The following KCNQ5 variants were observed in gnomAD, a reference collection of about 807,000 sequenced individuals.
The protein encoded by KCNQ5 is potassium voltage-gated channel subfamily Q member 5.
Under a neutral mutation model 98.2 loss-of-function variants are expected in KCNQ5, and 30 were observed. The ratio of observed to expected loss-of-function variants is 0.31; its 90% CI spans 0.23 to 0.41. The LOEUF (loss-of-function observed/expected upper bound fraction) is 0.41. Ranked by LOEUF, KCNQ5 falls within the 10% of genes least tolerant of loss-of-function variation. The pLI is 1.00. For missense variants in KCNQ5, 835 were observed against 1,182.5 expected, an observed-to-expected ratio of 0.71 and a Z score of 4.31; for synonymous variants, 458 against 449.4, an observed-to-expected ratio of 1.02 and a Z score of -0.24.
At chr6:72,727,445 T>G (rs966020036) in intron 1 of KCNQ5, among the ~76,000 whole-genome samples, 2 of 152,248 alleles carry the variant, frequency 1.3e-5, no homozygotes, top group Non-Finnish European at 2.9e-5. Flanking sequence ...GGCATTTATG[T>G]ACTCAGTGCC....
rs1768732065 is a variant in KCNQ5 at position 72,985,630 on chromosome 6, A to G, written c.399-18278A>G. On this transcript the variant is annotated intron_variant, in intron 1 of 13. Coordinates refer to ENST00000370398, the MANE Select transcript of KCNQ5 (RefSeq NM_019842.4). ...GATATTTCATCTCACACTAGTCAGA[A>G]TGGCTAGTATTGAAAAGTCAAAAAC... Among the ~76,000 whole-genome samples the G allele has an allele frequency of 1.3e-5, 2 of 152,214 alleles. 1 individual carries two copies. The highest frequency in any genetic ancestry group is 4.1e-4 in the South Asian group (2 of 4,828).
rs1199516274 is a variant in KCNQ5 at position 73,195,144 on chromosome 6, T to A, written c.2529T>A (p.Asn843Lys). Reference sequence around the variant, plus strand: ...TGATCAGGTCGACCGAGGAACTGAATATACAACTTTCAGGGAGTGAGTCAA... The same window carrying A: ...TGATCAGGTCGACCGAGGAACTGAAAATACAACTTTCAGGGAGTGAGTCAA... ...QNLIRSTEELNIQLSGSESSG... is the reference protein window; with the variant it reads ...QNLIRSTEELKIQLSGSESSG... The change falls in exon 14 of 14, where the codon AAT becomes AAA. Residue 843 changes from asparagine (N) to lysine (K), a missense_variant. Asn to Lys is a moderately conservative substitution (Grantham distance 94). Transcript: ENST00000370398. The A allele has an allele frequency of 1.9e-6, 3 of 1,614,108 alleles. No individual in the cohort carries two copies.
intron 11 of KCNQ5, among the ~76,000 whole-genome samples, chr6:73,179,823 A>G (rs2150513201): frequency 6.6e-6 from 1 of 152,260 alleles, no homozygotes; most frequent in Middle Eastern, 3.4e-3. Flanking sequence ...TCCCATATCA[A>G]CCTGGGCTTC....
At chr6:72,854,644 T>G (rs1209381921) in intron 1 of KCNQ5, among the ~76,000 whole-genome samples, 3 of 151,212 alleles carry the variant, frequency 2.0e-5, no homozygotes, top group Non-Finnish European at 4.4e-5. Flanking sequence ...ATTCATCTTT[T>G]TTATAATGTC....
intron 1 of KCNQ5, among the ~76,000 whole-genome samples, chr6:72,805,471 A>T (rs1774908606): frequency 6.6e-6 from 1 of 152,028 alleles, no homozygotes; most frequent in Middle Eastern, 3.2e-3. Flanking sequence ...AGTTCACTGT[A>T]GATATATAGA....
At chr6:72,888,566 A>C (rs1778936527) in intron 1 of KCNQ5, among the ~76,000 whole-genome samples, 1 of 152,160 alleles carries the variant, frequency 6.6e-6, no homozygotes, top group African/African-American at 2.4e-5. Context: ...CTTAGAAGGG[A>C]TCCAGACTGC....
intron 10 of KCNQ5, among the ~76,000 whole-genome samples, chr6:73,160,648 C>T (rs1777583086): frequency 6.6e-6 from 1 of 152,172 alleles, no homozygotes; most frequent in African/African-American, 2.4e-5. Flanking sequence ...TCAAATTGCT[C>T]CTCTGCAAAA....
chr6:72,790,745 G>C (rs1361354304), intron 1 of KCNQ5, among the ~76,000 whole-genome samples: 3 of 152,012 alleles, frequency 2.0e-5, no homozygotes, highest in African/African-American at 4.8e-5. Flanking sequence ...GGAAAAACTT[G>C]GATAAATGTT....
intron 11 of KCNQ5, among the ~76,000 whole-genome samples, chr6:73,182,807 T>C (rs550250709): frequency 1.1e-4 from 17 of 152,326 alleles, no homozygotes; most frequent in South Asian, 2.1e-4. Flanking sequence ...ATATTACATA[T>C]ATTTGCTGGA....
At chr6:73,146,393 G>A (rs181672434) in intron 10 of KCNQ5, among the ~76,000 whole-genome samples, 3 of 152,232 alleles carry the variant, frequency 2.0e-5, no homozygotes, top group South Asian at 4.1e-4. Context: ...GGGAGGCCCA[G>A]GCCTGTGGAT....
At chr6:72,928,006 C>A (rs1303364895) in intron 1 of KCNQ5, among the ~76,000 whole-genome samples, 3 of 151,918 alleles carry the variant, frequency 2.0e-5, no homozygotes, top group Non-Finnish European at 4.4e-5. Context: ...AGAATAAATA[C>A]ATGAAAAGGA....
intron 1 of KCNQ5, among the ~76,000 whole-genome samples, chr6:72,773,067 A>G (rs2154477529): frequency 6.6e-6 from 1 of 152,138 alleles, no homozygotes; most frequent in East Asian, 1.9e-4. Flanking sequence ...ATCAATAAAC[A>G]AAAGGATCTA....
At chr6:72,688,807 A>G (rs1262113936) in intron 1 of KCNQ5, among the ~76,000 whole-genome samples, 2 of 152,230 alleles carry the variant, frequency 1.3e-5, no homozygotes, top group African/African-American at 2.4e-5. Context: ...CAAAATGTCT[A>G]TGATTGCAAG....
intron 1 of KCNQ5, among the ~76,000 whole-genome samples, chr6:72,646,335 T>TA (rs1279363145): frequency 1.3e-5 from 2 of 152,124 alleles, no homozygotes. Context: ...AAGAATAACT[T>TA]TAGCAGCAAA....
chr6:72,796,581 A>G (rs117984478), intron 1 of KCNQ5, among the ~76,000 whole-genome samples: 2,804 of 152,344 alleles, frequency 0.018, 47 homozygotes, highest in Middle Eastern at 0.071. Context: ...TAAGATTCGA[A>G]GGATATGGAC....
chr6:73,166,512 TA>T (rs5877357), intron 10 of KCNQ5, among the ~76,000 whole-genome samples: 19 of 143,600 alleles, frequency 1.3e-4, no homozygotes, highest in Non-Finnish European at 1.5e-4. Context: ...TAGATTTCTC[TA>T]AAAAAAAAAA....
chr6:73,055,146 A>T (rs553080649), intron 3 of KCNQ5: 8 of 780,490 alleles, frequency 1.0e-5, no homozygotes, highest in Admixed American at 8.6e-5. Context: ...AGTGAGTGGA[A>T]CCTGGAGAAC....
At chr6:72,787,648 T>A (rs929001785) in intron 1 of KCNQ5, among the ~76,000 whole-genome samples, 1 of 152,192 alleles carries the variant, frequency 6.6e-6, no homozygotes, top group African/African-American at 2.4e-5. Flanking sequence ...AGAAAGTAAC[T>A]TGAGTACCCG....
intron 1 of KCNQ5, among the ~76,000 whole-genome samples, chr6:72,639,343 C>T (rs1031562702): frequency 1.3e-5 from 2 of 152,032 alleles, no homozygotes; most frequent in African/African-American, 2.4e-5. Context: ...GGATAGAAGG[C>T]GAGGGGCCAG....
Sources: allele counts gnomAD v4.1 joint callset (sites outside exome capture counted in the v4.1 genomes callset), GRCh38; gene constraint gnomAD v4.1.1; transcripts MANE v1.5; gene names NCBI Gene and HGNC (gene_info 2026-07-23, HGNC 2026-07-21).